Variants in ATP8B4 observed in about 807,000 individuals in gnomAD.
ATP8B4 encodes ATPase phospholipid transporting 8B4 (putative).
In ATP8B4, 133 loss-of-function variants were observed where a neutral mutation model predicts 145.6. The ratio of observed to expected loss-of-function variants is 0.91; its 90% confidence interval spans 0.79 to 1.05. ATP8B4 has a LOEUF of 1.05. Ranked by LOEUF, ATP8B4 falls within the 50% of genes least tolerant of loss-of-function variation. The probability of loss-of-function intolerance (pLI) is 0.00; values close to 1 mark genes in which losing one functional copy is unlikely to be tolerated. For synonymous variants in ATP8B4, 507 were observed against 492.9 expected (o/e 1.03, Z -0.38); for missense variants, 1,458 against 1,425.2 (o/e 1.02, Z -0.37).
chr15:49,960,929 A>G (rs570027930), intron 14 of ATP8B4, among the ~76,000 whole-genome samples: 2 of 152,108 alleles, frequency 1.3e-5, no homozygotes, highest in Non-Finnish European at 2.9e-5. Context: ...TCAGGAGATC[A>G]AGACCATCCT....
At chr15:50,091,586 T>C (rs1015664699) in intron 2 of ATP8B4, among the ~76,000 whole-genome samples, 2 of 152,152 alleles carry the variant, frequency 1.3e-5, no homozygotes, top group African/African-American at 4.8e-5. Context: ...TTTTTCACTG[T>C]AGTTTGAAGC....
intron 14 of ATP8B4, among the ~76,000 whole-genome samples, chr15:49,935,026 A>G (rs1158756657): frequency 6.6e-6 from 1 of 152,144 alleles, no homozygotes; most frequent in Non-Finnish European, 1.5e-5. Flanking sequence ...AAGTTACAAA[A>G]GCAGATAGGA....
At position 49,984,632 on chromosome 15, in the gene ATP8B4, A is replaced by G. The variant is rs556164243; in HGVS notation, c.748+2759T>C. Among the ~76,000 whole-genome samples the G allele has an allele frequency of 2.6e-5, 4 of 152,296 alleles. No homozygotes were observed. In the South Asian group the frequency reaches 8.3e-4, roughly 32 times the overall value. On this transcript the variant is annotated intron_variant, in intron 10 of 27. Transcript: ENST00000284509. ...AGCACACAAGAATGCAGCCTGGAGG[A>G]GTAAATACCTTGATCGTAATCTCCT...
chr15:49,905,453 T>C (rs1747335751), intron 20 of ATP8B4, among the ~76,000 whole-genome samples: 1 of 151,416 alleles, frequency 6.6e-6, no homozygotes, highest in South Asian at 2.1e-4. Flanking sequence ...ATTAGGAGTA[T>C]AGAGAACAAC....
chr15:50,080,131 G>A (rs2054449151), intron 2 of ATP8B4, among the ~76,000 whole-genome samples: 1 of 152,108 alleles, frequency 6.6e-6, no homozygotes, highest in Non-Finnish European at 1.5e-5. Flanking sequence ...CTCCATATAG[G>A]ATGACGATAA....
chr15:50,125,219 T>C (rs1252042353), intron 1 of ATP8B4, among the ~76,000 whole-genome samples: 1 of 152,138 alleles, frequency 6.6e-6, no homozygotes, highest in East Asian at 1.9e-4. Flanking sequence ...TCTTGTTATC[T>C]CAGAATCTCC....
Position 49,898,171 on chromosome 15 carries a change from G to T in ATP8B4, c.2370C>A (p.Val790=). 6.2e-7 allele frequency: 1 copy of T among 1,613,894 alleles called. No homozygotes were observed. The highest frequency in any genetic ancestry group is 8.5e-7 in the Non-Finnish European group (1 of 1,179,878). Residue 790 remains valine, a synonymous_variant, in exon 22 of 28, where the codon GTC becomes GTA. Coordinates refer to ENST00000284509, the MANE Select transcript of ATP8B4 (RefSeq NM_024837.4). The stretch of plus-strand genomic sequence containing the variant: ...CCACTTGGGCTTTCTGGAGTGGAGT[G>T]ACCCTGCAGCAAATTACAGTCTTAC... ...CMCKTVICCR[V]TPLQKAQVVE...
intron 2 of ATP8B4, among the ~76,000 whole-genome samples, chr15:50,099,117 C>T (rs1273550071): frequency 3.3e-5 from 5 of 152,138 alleles, no homozygotes; most frequent in Non-Finnish European, 7.3e-5. Context: ...CCACAACCCC[C>T]ACATTTTGGA....
intron 1 of ATP8B4, among the ~76,000 whole-genome samples, chr15:50,169,820 T>C (rs1265362330): frequency 1.3e-5 from 2 of 152,106 alleles, no homozygotes; most frequent in Non-Finnish European, 2.9e-5. Flanking sequence ...TAGAAATAGA[T>C]AGCTTAAAGA....
intron 25 of ATP8B4, among the ~76,000 whole-genome samples, chr15:49,871,262 CA>C (rs1566903050): frequency 2.0e-5 from 3 of 152,188 alleles, no homozygotes; most frequent in Admixed American, 6.5e-5. Flanking sequence ...GTATATGGCA[CA>C]GTATCCAGTG....
intron 1 of ATP8B4, among the ~76,000 whole-genome samples, chr15:50,137,920 G>T (rs1273806455): frequency 6.6e-6 from 1 of 152,108 alleles, no homozygotes; most frequent in Non-Finnish European, 1.5e-5. Context: ...TCTCTGCTCA[G>T]CTACTCCCTT....
chr15:49,877,740 G>A (rs2034699474), intron 24 of ATP8B4, among the ~76,000 whole-genome samples: 1 of 152,108 alleles, frequency 6.6e-6, no homozygotes, highest in South Asian at 2.1e-4. Context: ...CTCCCACATG[G>A]AACTATCGCC....
At chr15:49,926,989 TCCAAGAAG>T (rs1236190950) in intron 16 of ATP8B4, among the ~76,000 whole-genome samples, 5 of 152,186 alleles carry the variant, frequency 3.3e-5, no homozygotes, top group Non-Finnish European at 7.4e-5. Flanking sequence ...GTAAGAGCCT[TCCAAGAAG>T]CTTCTTGTAA....
At chr15:49,958,682 TAA>T (rs908071482) in intron 14 of ATP8B4, among the ~76,000 whole-genome samples, 140 of 152,018 alleles carry the variant, frequency 9.2e-4, no homozygotes, top group African/African-American at 3.1e-3. Flanking sequence ...AATGTGAATT[TAA>T]AAGACTTATG....
Position 49,881,511 on chromosome 15 carries a change from A to C in ATP8B4, c.2698-2052T>G, listed in dbSNP as rs571350235. On this transcript the variant is annotated intron_variant, in intron 23 of 27. Coordinates refer to ENST00000284509, the MANE Select transcript of ATP8B4 (RefSeq NM_024837.4). Reference sequence around the variant, plus strand: ...ACAGCCTAGGTCCATGCTGGGAGCAAAGTGATACAAGACAGCTGCAGCCAC... The same window carrying C: ...ACAGCCTAGGTCCATGCTGGGAGCACAGTGATACAAGACAGCTGCAGCCAC... Among the ~76,000 whole-genome samples, 13 of 152,298 alleles carry C rather than the reference A, an allele frequency of 8.5e-5. No individual in the cohort carries two copies. In the South Asian group the frequency reaches 2.7e-3, roughly 32 times the overall value.
chr15:50,043,332 A>T (rs540817228), intron 5 of ATP8B4, among the ~76,000 whole-genome samples: 37 of 152,332 alleles, frequency 2.4e-4, no homozygotes, highest in African/African-American at 8.9e-4. Flanking sequence ...ACTTATTTAC[A>T]TTAGTTTCCT....
chr15:49,979,267 G>A (rs1046799060), intron 12 of ATP8B4, among the ~76,000 whole-genome samples: 3 of 152,068 alleles, frequency 2.0e-5, no homozygotes, highest in Non-Finnish European at 2.9e-5. Context: ...GTGGCAAAGA[G>A]GCACCCTCTC....
intron 3 of ATP8B4, among the ~76,000 whole-genome samples, chr15:50,057,945 T>C (rs2052724692): frequency 6.6e-6 from 1 of 152,146 alleles, no homozygotes; most frequent in Non-Finnish European, 1.5e-5. Context: ...GTAGTTGCAG[T>C]AAAATGTTTA....
intron 2 of ATP8B4, among the ~76,000 whole-genome samples, chr15:50,076,918 C>T (rs1311662058): frequency 2.0e-5 from 3 of 152,170 alleles, no homozygotes; most frequent in East Asian, 3.8e-4. Context: ...CTCTGTGCTA[C>T]CACAGTGTAT....
Sources: allele counts gnomAD v4.1 joint callset (sites outside exome capture counted in the v4.1 genomes callset), GRCh38; gene constraint gnomAD v4.1.1; transcripts MANE v1.5; gene names NCBI Gene and HGNC (gene_info 2026-07-23, HGNC 2026-07-21).